The following TBC1D32 variants were observed in gnomAD, a reference collection of about 807,000 sequenced individuals.
TBC1D32 encodes protein broad-minded.
TBC1D32 carries 151 observed loss-of-function variants against 170.3 expected under a neutral mutation model. The ratio of observed to expected loss-of-function variants is 0.89; its 90% CI spans 0.78 to 1.01. The LOEUF is 1.01. Ranked by LOEUF, TBC1D32 falls within the 50% of genes least tolerant of loss-of-function variation. TBC1D32 has a pLI of 0.00. For synonymous variants in TBC1D32, 498 were observed against 488.0 expected (o/e 1.02, Z -0.27); for missense variants, 1,464 against 1,457.1 (o/e 1.00, Z -0.08).
chr6:121,129,692 A>G (rs1781222826), intron 25 of TBC1D32, among the ~76,000 whole-genome samples: 1 of 152,212 alleles, frequency 6.6e-6, no homozygotes, highest in Non-Finnish European at 1.5e-5. Context: ...ATGAATGAGA[A>G]AGAACAAATT....
At chr6:121,184,111 T>C (rs1788878317) in intron 22 of TBC1D32, among the ~76,000 whole-genome samples, 1 of 152,068 alleles carries the variant, frequency 6.6e-6, no homozygotes, top group African/African-American at 2.4e-5. Context: ...TACTACTGAC[T>C]TGGCCAAATG....
intron 22 of TBC1D32, among the ~76,000 whole-genome samples, chr6:121,172,802 A>G (rs970430659): frequency 1.3e-5 from 2 of 152,154 alleles, no homozygotes; most frequent in African/African-American, 4.8e-5. Context: ...TATTGACTTC[A>G]TATCAGCATT....
At chr6:121,081,033 CTTTT>C in intron 31 of TBC1D32, 143 bp from the exon 32 acceptor site, 1 of 879,372 alleles carries the variant, frequency 1.1e-6, no homozygotes. Context: ...TGTGTCATTG[CTTTT>C]TATTTAGTGA....
intron 22 of TBC1D32, chr6:121,170,463 A>G: frequency 6.2e-7 from 1 of 1,608,448 alleles, no homozygotes; most frequent in Non-Finnish European, 8.5e-7. Context: ...AACATTTCAG[A>G]TACCTGATAC....
At chr6:121,083,889 T>C (rs527541699) in intron 31 of TBC1D32, among the ~76,000 whole-genome samples, 10 of 152,256 alleles carry the variant, frequency 6.6e-5, no homozygotes, top group African/African-American at 1.9e-4. Flanking sequence ...GATTAGGGTA[T>C]CTTATATGAT....
At chr6:121,315,504 A>G (rs1808801011) in intron 3 of TBC1D32, among the ~76,000 whole-genome samples, 1 of 152,172 alleles carries the variant, frequency 6.6e-6, no homozygotes, top group South Asian at 2.1e-4. Flanking sequence ...TAATGGGTCA[A>G]AAGTCCAAAT....
chr6:121,303,263 T>C (rs1263758856), intron 9 of TBC1D32, among the ~76,000 whole-genome samples: 3 of 152,214 alleles, frequency 2.0e-5, no homozygotes, highest in Non-Finnish European at 2.9e-5. Context: ...TGAATCCTTA[T>C]GTTCTACCAC....
At chr6:121,083,818 CAAT>C (rs1165549872) in intron 31 of TBC1D32, among the ~76,000 whole-genome samples, 1 of 152,064 alleles carries the variant, frequency 6.6e-6, no homozygotes, top group African/African-American at 2.4e-5. Flanking sequence ...TAAATGTAGA[CAAT>C]AATATCATAT....
intron 21 of TBC1D32, among the ~76,000 whole-genome samples, chr6:121,220,521 G>C (rs1345224457): frequency 6.6e-6 from 1 of 152,112 alleles, no homozygotes; most frequent in Non-Finnish European, 1.5e-5. Context: ...GAAAGAAGCT[G>C]TCTGAATAAC....
chr6:121,093,249 A>G (rs1582731794), intron 30 of TBC1D32, among the ~76,000 whole-genome samples: 1 of 152,124 alleles, frequency 6.6e-6, no homozygotes, highest in East Asian at 1.9e-4. Flanking sequence ...CATTGCCCAG[A>G]CCCCAATAAA....
chr6:121,257,145 G>A (rs548523944), intron 15 of TBC1D32, among the ~76,000 whole-genome samples: 8 of 152,196 alleles, frequency 5.3e-5, no homozygotes, highest in African/African-American at 1.9e-4. Context: ...CTTTACCATG[G>A]TGTCATTTAA....
At chr6:121,111,211 A>C (rs562010039) in intron 29 of TBC1D32, among the ~76,000 whole-genome samples, 3 of 152,344 alleles carry the variant, frequency 2.0e-5, no homozygotes, top group Admixed American at 6.5e-5. Flanking sequence ...CATTGATGTT[A>C]TGAAAAAAAG....
Position 121,308,686 on chromosome 6 carries a change from C to CTTTTTTTTTTTTTT in TBC1D32, c.565-599_565-586dup, listed in dbSNP as rs67847088. Among the ~76,000 whole-genome samples, 121 of 112,526 alleles carry CTTTTTTTTTTTTTT rather than the reference C, an allele frequency of 1.1e-3. 12 individuals are homozygous for CTTTTTTTTTTTTTT. The highest frequency in any genetic ancestry group is 4.0e-3 in the African/African-American group (104 of 25,818). 73.8% of individuals were successfully genotyped at this position (112,526 alleles called of 152,430 possible). The stretch of plus-strand genomic sequence containing the variant: ...CTGTATTTTCACAGAAAGCTTACTT[C>CTTTTTTTTTTTTTT]TTTTTTTTTTTTTTTTTTTTGAGAC... On this transcript the variant is annotated intron_variant, in intron 4 of 31. Coordinates refer to ENST00000398212, the MANE Select transcript of TBC1D32 (RefSeq NM_152730.6).
chr6:121,282,959 T>A (rs547471496), intron 13 of TBC1D32, among the ~76,000 whole-genome samples: 1 of 151,868 alleles, frequency 6.6e-6, no homozygotes, highest in Non-Finnish European at 1.5e-5. Flanking sequence ...AAACTATTAG[T>A]TTCATATTTT....
At chr6:121,129,420 G>A (rs1223426648) in intron 25 of TBC1D32, among the ~76,000 whole-genome samples, 1 of 152,098 alleles carries the variant, frequency 6.6e-6, no homozygotes, top group Non-Finnish European at 1.5e-5. Flanking sequence ...AACTTATGAT[G>A]CATTTATTAG....
intron 22 of TBC1D32, among the ~76,000 whole-genome samples, chr6:121,172,198 C>T (rs560016604): frequency 1.3e-5 from 2 of 152,180 alleles, no homozygotes; most frequent in South Asian, 4.2e-4. Context: ...ACTGTGAGTC[C>T]ATTAAACCTC....
chr6:121,300,908 A>C (rs1329606870), intron 9 of TBC1D32, among the ~76,000 whole-genome samples: 3 of 152,244 alleles, frequency 2.0e-5, no homozygotes, highest in Non-Finnish European at 4.4e-5. Flanking sequence ...TCAAAAGAAG[A>C]CATTTATGCA....
chr6:121,174,040 T>C (rs1265977089), intron 22 of TBC1D32, among the ~76,000 whole-genome samples: 1 of 152,078 alleles, frequency 6.6e-6, no homozygotes, highest in Non-Finnish European at 1.5e-5. Context: ...GTGGTCTCCA[T>C]TAAGCTCCTT....
intron 10 of TBC1D32, among the ~76,000 whole-genome samples, chr6:121,296,314 G>A (rs1409140242): frequency 6.6e-6 from 1 of 151,912 alleles, no homozygotes; most frequent in African/African-American, 2.4e-5. Flanking sequence ...TGAATCCTAC[G>A]AATCCTTCTA....
Sources: allele counts gnomAD v4.1 joint callset (sites outside exome capture counted in the v4.1 genomes callset), GRCh38; gene constraint gnomAD v4.1.1; transcripts MANE v1.5; gene names NCBI Gene and HGNC (gene_info 2026-07-23, HGNC 2026-07-21).